Variants in PIAS2 observed in about 807,000 individuals in gnomAD.
PIAS2 encodes protein inhibitor of activated STAT 2, also known as E3 SUMO-protein ligase PIAS2.
Under a neutral mutation model 69.7 loss-of-function variants are expected in PIAS2, and 19 were observed. That is an observed-to-expected ratio of 0.27 (90% CI 0.19 to 0.40). The LOEUF is 0.40. PIAS2 is among the 10% of genes least tolerant of loss of function. PIAS2 has a pLI of 1.00. For synonymous variants in PIAS2, 261 were observed against 263.2 expected (o/e 0.99, Z 0.08); for missense variants, 624 against 757.0 (o/e 0.82, Z 2.06).
At chr18:46,917,196 G>T in intron 1 of PIAS2, 126 bp downstream of exon 1, 2 of 1,248,946 alleles carry the variant, frequency 1.6e-6, no homozygotes, top group Non-Finnish European at 2.0e-6. Context: ...TCGTCCGCGG[G>T]CCGGGGCTCA....
At chr18:46,903,763 C>A (rs1378316579) in intron 1 of PIAS2, 1 of 152,070 alleles carries the variant, frequency 6.6e-6, no homozygotes, top group Non-Finnish European at 1.5e-5. Flanking sequence ...AACCTATGCA[C>A]AAATCTTTAT....
chr18:46,893,651 T>C (rs1019431535), intron 1 of PIAS2: 1 of 155,604 alleles, frequency 6.4e-6, no homozygotes, highest in African/African-American at 2.4e-5. Flanking sequence ...GCTGCAAAGA[T>C]AAAGTATTGC....
At chr18:46,919,952 A>G (rs1031070624), upstream of PIAS2, 22 of 668,786 alleles carry the variant, frequency 3.3e-5, no homozygotes, top group Middle Eastern at 2.9e-4. Flanking sequence ...GGAATAGACG[A>G]ATAGAGTACA....
intron 9 of PIAS2, among the ~76,000 whole-genome samples, chr18:46,830,629 T>C (rs748384680): frequency 2.0e-5 from 3 of 150,970 alleles, no homozygotes; most frequent in Non-Finnish European, 4.4e-5. Flanking sequence ...AACAAACAAA[T>C]AGAAAAAAAG....
At chr18:46,859,975 C>T (rs748468067) in intron 3 of PIAS2, among the ~76,000 whole-genome samples, 5 of 152,060 alleles carry the variant, frequency 3.3e-5, no homozygotes, top group East Asian at 1.9e-4. Context: ...GAAGGAGCAG[C>T]GCTAAAGCCA....
At chr18:46,870,546 G>A (rs1467091031) in intron 2 of PIAS2, among the ~76,000 whole-genome samples, 1 of 149,468 alleles carries the variant, frequency 6.7e-6, no homozygotes, top group Non-Finnish European at 1.5e-5. Context: ...AACCCAGGAG[G>A]TGGAGCTTGC....
intron 1 of PIAS2, chr18:46,893,478 T>A (rs1205929349): frequency 1.0e-6 from 1 of 983,402 alleles, no homozygotes; most frequent in Non-Finnish European, 1.2e-6. Context: ...ATATCTCATA[T>A]TTCCAGTGAT....
chr18:46,837,686 A>G (rs1034461262), intron 8 of PIAS2, among the ~76,000 whole-genome samples: 2 of 152,196 alleles, frequency 1.3e-5, no homozygotes, highest in South Asian at 4.1e-4. Flanking sequence ...TATTCCAACT[A>G]GTAGTGGTCC....
chr18:46,919,985 C>T (rs1010882647), upstream of PIAS2: 39 of 1,012,612 alleles, frequency 3.9e-5, no homozygotes, highest in Non-Finnish European at 5.0e-5. Context: ...CACAGAGGAG[C>T]TTACACCCAT....
At chr18:46,903,851 T>C (rs144455637) in intron 1 of PIAS2, among the ~76,000 whole-genome samples, 13 of 152,294 alleles carry the variant, frequency 8.5e-5, no homozygotes, top group East Asian at 1.9e-4. Flanking sequence ...AAACAAACTA[T>C]AGTGAATTCA....
intron 11 of PIAS2, among the ~76,000 whole-genome samples, chr18:46,826,482 T>C (rs2042870253): frequency 6.6e-6 from 1 of 152,222 alleles, no homozygotes; most frequent in Admixed American, 6.5e-5. Flanking sequence ...ACTGCAGTAC[T>C]TGCAACTCAT....
intron 13 of PIAS2, among the ~76,000 whole-genome samples, chr18:46,813,055 G>A (rs1218255392): frequency 2.0e-5 from 3 of 152,236 alleles, no homozygotes; most frequent in African/African-American, 7.2e-5. Flanking sequence ...TATGGATTGA[G>A]TATCAAACAG....
intron 12 of PIAS2, chr18:46,816,730 A>G: frequency 2.2e-6 from 2 of 897,676 alleles, no homozygotes; most frequent in Non-Finnish European, 2.7e-6. Context: ...AGCCTCCCAA[A>G]GTGCTGGGAT....
chr18:46,830,110 T>C (rs1188072030), intron 9 of PIAS2, among the ~76,000 whole-genome samples: 1 of 152,110 alleles, frequency 6.6e-6, no homozygotes, highest in East Asian at 1.9e-4. Flanking sequence ...ACTCAATGAG[T>C]ATAAATGGCT....
intron 9 of PIAS2, among the ~76,000 whole-genome samples, chr18:46,835,534 C>CAG (rs1184433408): frequency 6.6e-6 from 1 of 152,140 alleles, no homozygotes; most frequent in Non-Finnish European, 1.5e-5. Context: ...TCAAGTGATC[C>CAG]TCCCACCTCA....
chr18:46,845,952 T>C (rs1454527520), intron 6 of PIAS2, among the ~76,000 whole-genome samples: 1 of 152,150 alleles, frequency 6.6e-6, no homozygotes, highest in Non-Finnish European at 1.5e-5. Flanking sequence ...AATGCCTCAA[T>C]TTCTCCATCC....
chr18:46,840,176 G>GA (rs911634269), intron 8 of PIAS2, among the ~76,000 whole-genome samples: 25 of 147,994 alleles, frequency 1.7e-4, no homozygotes, highest in African/African-American at 3.7e-4. Flanking sequence ...GAAAGAAAAA[G>GA]AAAAAAAAAA....
chr18:46,822,209 A>G (rs1046696902), intron 11 of PIAS2, among the ~76,000 whole-genome samples: 4 of 152,188 alleles, frequency 2.6e-5, no homozygotes, highest in African/African-American at 7.2e-5. Flanking sequence ...AACCACTTAA[A>G]TATGGATATC....
rs1306207978 is a variant in PIAS2 at position 46,807,379 on chromosome 18, A to T, written c.*5054T>A. On this transcript the variant is annotated 3_prime_UTR_variant, in exon 14 of 14. Coordinates refer to ENST00000585916, the MANE Select transcript of PIAS2 (RefSeq NM_004671.5). ...TTTATATATATATATATATATATAT[A>T]TATATTTTTTTTTTTTTTTTTTTTT... is the stretch of plus-strand genomic sequence containing the variant. 6.2e-3 allele frequency: 157 copies of T among 25,526 alleles called. 2 individuals carry two copies. Among genetic ancestry groups the T allele is most frequent in the African/African-American group, 0.019 (54 of 2,894 alleles). 1.6% of individuals were successfully genotyped at this position (25,526 alleles called of 1,614,324 possible). A position where few individuals can be genotyped will look rare whatever the true frequency, so the allele number is the denominator to read the frequency against.
Sources: allele counts gnomAD v4.1 joint callset (sites outside exome capture counted in the v4.1 genomes callset), GRCh38; gene constraint gnomAD v4.1.1; transcripts MANE v1.5; gene names NCBI Gene and HGNC (gene_info 2026-07-23, HGNC 2026-07-21).